Variants in TMEM132D observed in about 807,000 individuals in gnomAD.
TMEM132D encodes the protein transmembrane protein 132D, also known as mature OL transmembrane protein.
TMEM132D carries 21 observed loss-of-function variants against 62.3 expected under a neutral mutation model. The observed-to-expected ratio is 0.34, with a 90% CI of 0.24 to 0.49. TMEM132D has a LOEUF of 0.49. TMEM132D is among the 20% of genes least tolerant of loss of function. The pLI is 0.99. For missense variants in TMEM132D, 1,346 were observed against 1,402.8 expected, an observed-to-expected ratio of 0.96 and a Z score of 0.65; for synonymous variants, 621 against 575.6, an observed-to-expected ratio of 1.08 and a Z score of -1.13.
At chr12:129,170,854 A>G (rs148621200) in intron 5 of TMEM132D, among the ~76,000 whole-genome samples, 3 of 152,200 alleles carry the variant, frequency 2.0e-5, no homozygotes, top group Admixed American at 2.0e-4. Flanking sequence ...AATCTAAGCC[A>G]TTAACAAGTC....
At chr12:129,628,266 G>C (rs1344432660) in intron 2 of TMEM132D, among the ~76,000 whole-genome samples, 1 of 152,166 alleles carries the variant, frequency 6.6e-6, no homozygotes, top group Non-Finnish European at 1.5e-5. Context: ...ACCTTGATTA[G>C]AAAGAAAAGA....
intron 4 of TMEM132D, among the ~76,000 whole-genome samples, chr12:129,321,104 T>A (rs1384197260): frequency 2.0e-5 from 3 of 152,218 alleles, no homozygotes; most frequent in Non-Finnish European, 4.4e-5. Context: ...TTATGTCTAT[T>A]TATATAGAAA....
intron 4 of TMEM132D, among the ~76,000 whole-genome samples, chr12:129,236,853 G>A (rs1224328310): frequency 6.6e-6 from 1 of 152,108 alleles, no homozygotes; most frequent in Non-Finnish European, 1.5e-5. Context: ...TATGATGTTA[G>A]TTGTGAGTTT....
chr12:129,397,380 C>T (rs7970846), intron 3 of TMEM132D, among the ~76,000 whole-genome samples: 12,188 of 152,096 alleles, frequency 0.08, 1,144 homozygotes, highest in African/African-American at 0.24. Context: ...GTGGTCTTGA[C>T]GAACAAGAGT....
At chr12:129,659,107 T>C (rs1207257071) in intron 2 of TMEM132D, among the ~76,000 whole-genome samples, 1 of 152,116 alleles carries the variant, frequency 6.6e-6, no homozygotes, top group East Asian at 1.9e-4. Context: ...GGATGGGGTT[T>C]CGTCATGTTG....
At chr12:129,724,176 T>C (rs1033977585) in intron 1 of TMEM132D, among the ~76,000 whole-genome samples, 1 of 152,188 alleles carries the variant, frequency 6.6e-6, no homozygotes, top group African/African-American at 2.4e-5. Context: ...CCTGAATGTT[T>C]CTGTAGAGCC....
chr12:129,671,172 A>G (rs1390971992), intron 2 of TMEM132D, among the ~76,000 whole-genome samples: 1 of 152,232 alleles, frequency 6.6e-6, no homozygotes, highest in Non-Finnish European at 1.5e-5. Flanking sequence ...ATGGAAAAGT[A>G]AAAAATTTAT....
chr12:129,096,297 T>G (rs539143229), intron 5 of TMEM132D, among the ~76,000 whole-genome samples: 1 of 152,230 alleles, frequency 6.6e-6, no homozygotes, highest in East Asian at 1.9e-4. Flanking sequence ...ATGCCTCACA[T>G]GCCACAGTGG....
intron 6 of TMEM132D, among the ~76,000 whole-genome samples, chr12:129,082,518 T>G (rs1018732900): frequency 1.3e-5 from 2 of 152,150 alleles, no homozygotes; most frequent in South Asian, 4.1e-4. Context: ...AGCTAGAAGC[T>G]GAGAGTGACC....
At chr12:129,717,709 A>T (rs2137241289) in intron 1 of TMEM132D, among the ~76,000 whole-genome samples, 1 of 150,974 alleles carries the variant, frequency 6.6e-6, no homozygotes, top group Non-Finnish European at 1.5e-5. Flanking sequence ...ATAATAAAAT[A>T]GTTAACATAT....
chr12:129,414,681 T>C (rs1277751234), intron 3 of TMEM132D, among the ~76,000 whole-genome samples: 2 of 152,218 alleles, frequency 1.3e-5, no homozygotes, highest in Non-Finnish European at 2.9e-5. Flanking sequence ...TGTCCTCTCT[T>C]AGCATATTTT....
intron 2 of TMEM132D, among the ~76,000 whole-genome samples, chr12:129,612,627 AAT>A (rs139569987): frequency 5.3e-5 from 8 of 149,770 alleles, no homozygotes; most frequent in Non-Finnish European, 3.0e-5. Context: ...TTCTTTTTAA[AAT>A]ATATATATAT....
intron 2 of TMEM132D, among the ~76,000 whole-genome samples, chr12:129,547,999 C>T (rs570307022): frequency 6.8e-4 from 103 of 152,220 alleles, no homozygotes; most frequent in South Asian, 3.5e-3. Context: ...CCCTATTTCC[C>T]GTCTCTTCAT....
intron 2 of TMEM132D, among the ~76,000 whole-genome samples, chr12:129,639,416 CATTT>C (rs1187444286): frequency 1.5e-5 from 2 of 133,468 alleles, no homozygotes; most frequent in African/African-American, 5.5e-5. Flanking sequence ...AGTCAGGAAA[CATTT>C]ATATCAAATT....
chr12:129,174,685 A>G (rs1008435634), intron 5 of TMEM132D, among the ~76,000 whole-genome samples: 3 of 152,098 alleles, frequency 2.0e-5, no homozygotes, highest in Admixed American at 2.0e-4. Flanking sequence ...ACTAATTTAC[A>G]CTCCCACCAA....
chr12:129,254,466 C>T (rs1566012975), intron 4 of TMEM132D, among the ~76,000 whole-genome samples: 1 of 152,180 alleles, frequency 6.6e-6, no homozygotes, highest in South Asian at 2.1e-4. Flanking sequence ...AGCTCTGTCA[C>T]TTAGTAGGAC....
intron 5 of TMEM132D, among the ~76,000 whole-genome samples, chr12:129,120,827 G>A (rs778560738): frequency 1.3e-5 from 2 of 152,010 alleles, no homozygotes; most frequent in Non-Finnish European, 2.9e-5. Flanking sequence ...ACACAGTGCA[G>A]TTCATTTTTT....
chr12:129,717,224 A>G (rs1868619241), intron 1 of TMEM132D, among the ~76,000 whole-genome samples: 1 of 152,178 alleles, frequency 6.6e-6, no homozygotes, highest in Admixed American at 6.5e-5. Flanking sequence ...CTGTGTACAG[A>G]TGAAGAAATT....
intron 3 of TMEM132D, among the ~76,000 whole-genome samples, chr12:129,432,656 T>C (rs1209878233): frequency 6.6e-6 from 1 of 152,250 alleles, no homozygotes; most frequent in African/African-American, 2.4e-5. Flanking sequence ...TAACCATTTC[T>C]GGGCCACCTC....
Sources: gnomAD v4.1 joint callset for allele counts (sites outside exome capture counted in the v4.1 genomes callset) on GRCh38, gnomAD v4.1.1 for gene constraint, MANE v1.5 for transcripts, NCBI Gene and HGNC (gene_info 2026-07-23, HGNC 2026-07-21) for gene names.